Variants in RBMS1 observed in about 807,000 individuals in gnomAD.
RBMS1 encodes RNA binding motif single stranded interacting protein 1.
RBMS1 carries 17 observed loss-of-function variants against 62.3 expected under a neutral mutation model. That is an observed-to-expected ratio of 0.27 (90% CI 0.19 to 0.41). The LOEUF (loss-of-function observed/expected upper bound fraction) is 0.41, where lower values mean the gene tolerates loss of function less well. RBMS1 is among the 10% of genes least tolerant of loss of function. The pLI, the probability that RBMS1 is intolerant of heterozygous loss-of-function variation, is 1.00. For synonymous variants in RBMS1, 172 were observed against 170.0 expected (o/e 1.01, Z -0.09); for missense variants, 334 against 504.5 (o/e 0.66, Z 3.24).
intron 1 of RBMS1, among the ~76,000 whole-genome samples, chr2:160,481,880 G>A (rs537209209): frequency 7.2e-5 from 11 of 152,168 alleles, no homozygotes; most frequent in Non-Finnish European, 1.6e-4. Flanking sequence ...AGAGCAATTA[G>A]ATTTCTCATG....
intron 4 of RBMS1, 141 bp from the exon 5 acceptor site, chr2:160,303,628 G>C (rs1689332772): frequency 1.1e-6 from 1 of 887,968 alleles, no homozygotes; most frequent in Non-Finnish European, 1.7e-6. Flanking sequence ...AGTCACCCTG[G>C]ACTCTTGAAA....
chr2:160,307,572 A>G (rs1689608337), intron 4 of RBMS1, among the ~76,000 whole-genome samples: 1 of 152,158 alleles, frequency 6.6e-6, no homozygotes, highest in African/African-American at 2.4e-5. Context: ...TTTTATTTGA[A>G]AGATGTACAC....
At chr2:160,408,829 T>G (rs1233806167) in intron 1 of RBMS1, among the ~76,000 whole-genome samples, 4 of 152,232 alleles carry the variant, frequency 2.6e-5, no homozygotes, top group Non-Finnish European at 5.9e-5. Flanking sequence ...TGACAGAGCC[T>G]GCGGTCTCTG....
intron 1 of RBMS1, among the ~76,000 whole-genome samples, chr2:160,367,743 C>A (rs1432484395): frequency 6.6e-6 from 1 of 152,120 alleles, no homozygotes; most frequent in Non-Finnish European, 1.5e-5. Context: ...AATCACTAGA[C>A]TTTTGAAAAG....
intron 1 of RBMS1, among the ~76,000 whole-genome samples, chr2:160,478,172 T>G (rs1685220124): frequency 6.6e-6 from 1 of 152,336 alleles, no homozygotes; most frequent in Admixed American, 6.5e-5. Flanking sequence ...CACATACAAC[T>G]TAGGTTTCCT....
chr2:160,468,252 G>T (rs1684773882), intron 1 of RBMS1, among the ~76,000 whole-genome samples: 1 of 152,118 alleles, frequency 6.6e-6, no homozygotes, highest in African/African-American at 2.4e-5. Flanking sequence ...TTTATTAGTG[G>T]GTATCCACTA....
At position 160,313,170 on chromosome 2, in the gene RBMS1, C is replaced by T; in HGVS notation, c.388G>A (p.Ala130Thr). 2 of 1,613,520 alleles carry T rather than the reference C, an allele frequency of 1.2e-6. No individual in the cohort carries two copies. The highest frequency in any genetic ancestry group is 1.7e-6 in the Non-Finnish European group (2 of 1,179,566). The stretch of plus-strand genomic sequence containing the variant: ...TCTCAACTCACCTTTGCCATTTGAG[C>T]TTGAACCCCACTGGCCTTCAGGGCA... ...VSALKASGVQ[A>T]QMAKQQEQDP... The change falls in exon 4 of 14, where the codon GCT (alanine) becomes ACT (threonine). Residue 130 changes from alanine to threonine, a missense_variant. This residue lies in a region of RBMS1 where 150 missense variants were observed against 228.0 expected (regional missense o/e 0.66). Transcript: ENST00000348849.
At chr2:160,310,269 G>C (rs1689775854) in intron 4 of RBMS1, among the ~76,000 whole-genome samples, 1 of 152,164 alleles carries the variant, frequency 6.6e-6, no homozygotes, top group Non-Finnish European at 1.5e-5. Context: ...TGTTGGAATG[G>C]AAACACTGCT....
chr2:160,349,193 A>C (rs188910743), intron 2 of RBMS1, among the ~76,000 whole-genome samples: 2 of 152,240 alleles, frequency 1.3e-5, no homozygotes, highest in Non-Finnish European at 2.9e-5. Context: ...CAATTCTGCC[A>C]GGAGAGAGGA....
intron 2 of RBMS1, among the ~76,000 whole-genome samples, chr2:160,357,871 A>G (rs1419912818): frequency 2.6e-5 from 4 of 152,142 alleles, no homozygotes; most frequent in African/African-American, 7.2e-5. Flanking sequence ...ATGGTTCTCT[A>G]TTGGGAAGCA....
intron 1 of RBMS1, chr2:160,407,484 G>C: frequency 1.0e-6 from 1 of 986,122 alleles, no homozygotes; most frequent in Non-Finnish European, 1.2e-6. Context: ...TAGGGCGTCC[G>C]GCAGTTGCTG....
intron 1 of RBMS1, among the ~76,000 whole-genome samples, chr2:160,478,740 G>A (rs2105353906): frequency 6.6e-6 from 1 of 152,312 alleles, no homozygotes; most frequent in East Asian, 1.9e-4. Context: ...TGGACTTAAT[G>A]AGTATATGAT....
chr2:160,327,717 C>T (rs376108787), intron 2 of RBMS1, among the ~76,000 whole-genome samples: 4 of 151,970 alleles, frequency 2.6e-5, no homozygotes, highest in Non-Finnish European at 4.4e-5. Flanking sequence ...TTAGTGCTCC[C>T]GAGTACTAAC....
intron 1 of RBMS1, chr2:160,402,050 A>G (rs1448119276): frequency 6.6e-6 from 1 of 152,218 alleles, no homozygotes; most frequent in Non-Finnish European, 1.5e-5. Context: ...GACTGTGTCA[A>G]GGTCTCCCTA....
rs565582513 is a variant in RBMS1 at position 160,273,581 on chromosome 2, C to T, written c.*1191G>A. The stretch of plus-strand genomic sequence containing the variant: ...CTCAGCTTATGTTTGAAGATAAATC[C>T]TTACTTTTAGCTTTTGCCACTTTGT... On this transcript the variant is annotated 3_prime_UTR_variant, in exon 14 of 14. Coordinates refer to ENST00000348849, the MANE Select transcript of RBMS1 (RefSeq NM_016836.4). 2.0e-5 allele frequency: 3 copies of T among 152,056 alleles called. No individual in the cohort carries two copies. The highest frequency in any genetic ancestry group is 2.1e-4 in the South Asian group (1 of 4,810). The allele number at this position is 152,056 out of a possible 1,614,324, so 9.4% of individuals were successfully genotyped here. A position where few individuals can be genotyped will look rare whatever the true frequency, so the allele number is the denominator to read the frequency against.
chr2:160,286,303 CTTTTTTTTTTTTTTTTATTT>C (rs1288722026), intron 7 of RBMS1, among the ~76,000 whole-genome samples: 9 of 122,466 alleles, frequency 7.3e-5, no homozygotes, highest in East Asian at 2.4e-4. Context: ...TTCTTCCTTT[CTTTTTTTTTTTTTTTTATTT>C]TGTTTTTTTT....
intron 2 of RBMS1, among the ~76,000 whole-genome samples, chr2:160,364,761 C>A (rs1348332063): frequency 6.6e-6 from 1 of 152,142 alleles, no homozygotes; most frequent in Non-Finnish European, 1.5e-5. Context: ...TGGAACTGGG[C>A]CACCATGATA....
At chr2:160,448,293 C>CCCCCTCCCCCT (rs1683753642) in intron 1 of RBMS1, among the ~76,000 whole-genome samples, 1 of 149,522 alleles carries the variant, frequency 6.7e-6, no homozygotes, top group Non-Finnish European at 1.5e-5. Flanking sequence ...CCCTCCCCCT[C>CCCCCTCCCCCT]CCCCTCCCCC....
At chr2:160,286,653 C>G (rs909766264) in intron 7 of RBMS1, among the ~76,000 whole-genome samples, 1 of 152,094 alleles carries the variant, frequency 6.6e-6, no homozygotes, top group Non-Finnish European at 1.5e-5. Flanking sequence ...AAACCAAAAA[C>G]AAACCCAAAT....
Sources: allele counts gnomAD v4.1 joint callset (sites outside exome capture counted in the v4.1 genomes callset), GRCh38; gene constraint gnomAD v4.1.1; regional missense constraint gnomAD v4.1.1; transcripts MANE v1.5; gene names NCBI Gene and HGNC (gene_info 2026-07-23, HGNC 2026-07-21).